The following PDE10A variants were observed in gnomAD, a reference collection of about 807,000 sequenced individuals.
PDE10A encodes phosphodiesterase 10A.
PDE10A carries 39 observed loss-of-function variants against 97.7 expected under a neutral mutation model. That is an observed-to-expected ratio of 0.40 (90% CI 0.31 to 0.52). The LOEUF (loss-of-function observed/expected upper bound fraction) is 0.52. Among genes scored for constraint, PDE10A ranks in the 20% least tolerant of loss-of-function variants. PDE10A has a pLI of 0.56. For missense variants in PDE10A, 731 were observed against 1,047.8 expected, an observed-to-expected ratio of 0.70 and a Z score of 4.17; for synonymous variants, 371 against 376.8, an observed-to-expected ratio of 0.98 and a Z score of 0.18.
At chr6:165,909,481 G>A (rs559051429) in intron 1 of PDE10A, among the ~76,000 whole-genome samples, 1 of 152,208 alleles carries the variant, frequency 6.6e-6, no homozygotes, top group African/African-American at 2.4e-5. Flanking sequence ...CTGGTTTTAC[G>A]CATATTATGG....
At chr6:165,987,977 G>A, upstream of PDE10A, 1 of 147,964 alleles carries the variant, frequency 6.8e-6, no homozygotes. Context: ...GTGTGCGTGC[G>A]TGTGTGTGTG....
At chr6:165,381,260 A>G (rs1784905968) in intron 17 of PDE10A, among the ~76,000 whole-genome samples, 1 of 152,206 alleles carries the variant, frequency 6.6e-6, no homozygotes, top group Non-Finnish European at 1.5e-5. Context: ...TCAGAGTCCC[A>G]AAAGTGTCGA....
chr6:165,783,092 A>AT (rs11437992), intron 1 of PDE10A, among the ~76,000 whole-genome samples: 36,559 of 151,986 alleles, frequency 0.24, 6,141 homozygotes, highest in African/African-American at 0.48. Flanking sequence ...AGGCAGTAAC[A>AT]TTTTTTGGCT....
chr6:165,790,273 T>C (rs1778611125), intron 1 of PDE10A, among the ~76,000 whole-genome samples: 2 of 152,182 alleles, frequency 1.3e-5, no homozygotes, highest in Non-Finnish European at 2.9e-5. Flanking sequence ...TTATAGGTGT[T>C]TTCTCTAGTT....
intron 2 of PDE10A, among the ~76,000 whole-genome samples, chr6:165,533,532 T>C (rs1478287971): frequency 6.6e-6 from 1 of 152,112 alleles, no homozygotes; most frequent in Non-Finnish European, 1.5e-5. Context: ...TTCGTAGAGG[T>C]GGACTATATT....
At chr6:165,377,642 C>A (rs1236989761) in intron 18 of PDE10A, among the ~76,000 whole-genome samples, 1 of 152,026 alleles carries the variant, frequency 6.6e-6, no homozygotes, top group East Asian at 1.9e-4. Flanking sequence ...TTCTTATTTA[C>A]AACCCCAGAA....
At chr6:165,561,476 G>T (rs1784520254) in intron 1 of PDE10A, among the ~76,000 whole-genome samples, 1 of 152,154 alleles carries the variant, frequency 6.6e-6, no homozygotes, top group African/African-American at 2.4e-5. Flanking sequence ...AAACTGAACT[G>T]TAAAATCATG....
chr6:165,523,593 C>T (rs569278719), intron 2 of PDE10A, among the ~76,000 whole-genome samples: 1 of 152,098 alleles, frequency 6.6e-6, no homozygotes, highest in South Asian at 2.1e-4. Context: ...TAGACCCCAA[C>T]CTATCACCAA....
At chr6:165,431,499 A>G (rs1242144050) in intron 7 of PDE10A, 27 bp from the exon 8 acceptor site, 9 of 1,313,340 alleles carry the variant, frequency 6.9e-6, no homozygotes, top group Middle Eastern at 1.9e-4. Flanking sequence ...ATACATACCT[A>G]TAAGTAATAA....
chr6:165,361,402 TCAAA>T (rs752975948), intron 18 of PDE10A, among the ~76,000 whole-genome samples: 7 of 152,214 alleles, frequency 4.6e-5, no homozygotes, highest in Non-Finnish European at 7.3e-5. Context: ...CTTGGAATCT[TCAAA>T]CATTTATGGA....
At chr6:165,829,860 C>A (rs530149367) in intron 1 of PDE10A, among the ~76,000 whole-genome samples, 3 of 152,168 alleles carry the variant, frequency 2.0e-5, no homozygotes, top group Non-Finnish European at 4.4e-5. Context: ...AGCAGCCTTG[C>A]GGCCCCTAAC....
chr6:165,377,595 A>C (rs2128206060), intron 18 of PDE10A, among the ~76,000 whole-genome samples: 1 of 152,328 alleles, frequency 6.6e-6, no homozygotes, highest in South Asian at 2.1e-4. Flanking sequence ...TTCTGCTGAA[A>C]AGATTATATT....
In PDE10A at chr6:165,870,955, G is replaced by A. The variant is rs113154596; in HGVS notation, c.-615+116574C>T. Reference sequence around the variant, plus strand: ...GTCATCAGAGGCTGGGAAAGGCAGCGGAAATGGGAGATGAAGAGAAGTTGA... The same window carrying A: ...GTCATCAGAGGCTGGGAAAGGCAGCAGAAATGGGAGATGAAGAGAAGTTGA... On this transcript the variant is annotated intron_variant, in intron 1 of 19. Transcript: ENST00000366882. Among the ~76,000 whole-genome samples the A allele has an allele frequency of 1.5e-3, 230 of 152,230 alleles. 1 individual carries two copies. The highest frequency in any genetic ancestry group is 2.2e-3 in the African/African-American group (92 of 41,536).
chr6:165,714,339 G>A (rs558291142), intron 1 of PDE10A, among the ~76,000 whole-genome samples: 1 of 152,218 alleles, frequency 6.6e-6, no homozygotes, highest in African/African-American at 2.4e-5. Context: ...AGGAGTCACA[G>A]GTTTGCCGTT....
At chr6:165,392,624 G>C in intron 16 of PDE10A, 22 bp downstream of exon 16, 1 of 1,603,310 alleles carries the variant, frequency 6.2e-7, no homozygotes, top group Middle Eastern at 1.7e-4. Context: ...ACGAGAAACA[G>C]AGGTAAAGAG....
intron 1 of PDE10A, among the ~76,000 whole-genome samples, chr6:165,813,268 A>G (rs1426781462): frequency 1.3e-5 from 2 of 148,418 alleles, no homozygotes; most frequent in Non-Finnish European, 3.0e-5. Flanking sequence ...AAATAATCTC[A>G]TGATAGCCTG....
intron 3 of PDE10A, among the ~76,000 whole-genome samples, chr6:165,460,223 G>A (rs1778239948): frequency 6.6e-6 from 1 of 152,116 alleles, no homozygotes; most frequent in African/African-American, 2.4e-5. Context: ...CTTGCCAGCG[G>A]GTACAATAGG....
intron 1 of PDE10A, among the ~76,000 whole-genome samples, chr6:165,619,309 G>GCA (rs1787921932): frequency 8.8e-5 from 13 of 147,192 alleles, no homozygotes; most frequent in South Asian, 4.2e-4. Context: ...GTAGTGTAGT[G>GCA]TAGTCTAGTG....
chr6:165,876,049 G>C (rs1781336794), intron 1 of PDE10A, among the ~76,000 whole-genome samples: 1 of 152,168 alleles, frequency 6.6e-6, no homozygotes, highest in Admixed American at 6.5e-5. Flanking sequence ...AATAAAATGA[G>C]TCTTACACAT....
Sources: gnomAD v4.1 joint callset for allele counts (sites outside exome capture counted in the v4.1 genomes callset) on GRCh38, gnomAD v4.1.1 for gene constraint, MANE v1.5 for transcripts, NCBI Gene and HGNC (gene_info 2026-07-23, HGNC 2026-07-21) for gene names.